Variants in PIEZO2 observed in about 807,000 individuals in gnomAD.
The protein encoded by PIEZO2 is piezo type mechanosensitive ion channel component 2, also known as piezo-type mechanosensitive ion channel component 2.
In PIEZO2, 172 loss-of-function variants were observed where a neutral mutation model predicts 337.3. That is an observed-to-expected ratio of 0.51 (90% CI 0.45 to 0.58). The LOEUF is 0.58. Among genes scored for constraint, PIEZO2 ranks in the 20% least tolerant of loss-of-function variants. The pLI is 0.00. For synonymous variants in PIEZO2, 1,251 were observed against 1,228.5 expected (o/e 1.02, Z -0.38); for missense variants, 3,028 against 3,391.3 (o/e 0.89, Z 2.66).
At chr18:11,039,460 G>C (rs953125924) in intron 2 of PIEZO2, among the ~76,000 whole-genome samples, 1 of 152,058 alleles carries the variant, frequency 6.6e-6, no homozygotes, top group Non-Finnish European at 1.5e-5. Flanking sequence ...TCCATTTTCT[G>C]GTTTTACGTC....
In PIEZO2 at chr18:11,069,383, G is replaced by T. The variant is rs1435087999; in HGVS notation, c.65-3161C>A. Among the ~76,000 whole-genome samples, 1 of 152,152 alleles carries T rather than the reference G, an allele frequency of 6.6e-6. No homozygotes were observed. The highest frequency in any genetic ancestry group is 1.5e-5 in the Non-Finnish European group (1 of 68,020). ...GCAAGAATGGTTCAACATACCTATA[G>T]CTGTCAATGTGATACACCACATTAA... On this transcript the variant is annotated intron_variant, in intron 1 of 55. Coordinates refer to ENST00000674853, the MANE Select transcript of PIEZO2 (RefSeq NM_001378183.1). This position sits in a 1 kb window ranked among gnomAD's most constrained non-coding sequence, Gnocchi z 4.9.
intron 36 of PIEZO2, among the ~76,000 whole-genome samples, chr18:10,719,167 G>C (rs73385119): frequency 0.045 from 6,877 of 152,038 alleles, 514 homozygotes; most frequent in African/African-American, 0.16. Flanking sequence ...AGTTAAATTT[G>C]AATGTAAGAT....
At chr18:10,867,349 C>T (rs1369288631) in intron 5 of PIEZO2, among the ~76,000 whole-genome samples, 1 of 152,182 alleles carries the variant, frequency 6.6e-6, no homozygotes, top group Non-Finnish European at 1.5e-5. Context: ...ACTTGAAGCA[C>T]AGCCCATTTG....
In PIEZO2 at chr18:10,767,909, C is replaced by T. The variant is rs72976273; in HGVS notation, c.2946+2239G>A. 2.4e-4 allele frequency among the ~76,000 whole-genome samples: 36 copies of T among 152,324 alleles called. No individual in the cohort carries two copies. Among genetic ancestry groups the T allele is most frequent in the East Asian group, 1.5e-3 (8 of 5,166 alleles). ...CCAGGAGGGCAAGGGCAGGTTTACC[C>T]GCCAGTTGCCAGCCCAGAGCGTGAG... On this transcript the variant is annotated intron_variant, in intron 21 of 55. Coordinates refer to ENST00000674853, the MANE Select transcript of PIEZO2 (RefSeq NM_001378183.1). The surrounding 1 kb of genome is among the most constrained non-coding windows in gnomAD (Gnocchi z 4.2).
chr18:11,133,778 TAATAA>T (rs1568403134), intron 1 of PIEZO2, among the ~76,000 whole-genome samples: 1 of 148,214 alleles, frequency 6.7e-6, no homozygotes, highest in Non-Finnish European at 1.5e-5. Flanking sequence ...AGTTAATACT[TAATAA>T]ACTCCTCTCT....
At position 10,682,011 on chromosome 18, in the gene PIEZO2, G is replaced by A. The variant is rs1024928529; in HGVS notation, c.7686+93C>T. The A allele has an allele frequency of 3.5e-5, 44 of 1,263,698 alleles. No homozygotes were observed. The highest frequency in any genetic ancestry group is 2.4e-4 in the Middle Eastern group (1 of 4,144). The allele number at this position is 1,263,698 out of a possible 1,614,324, so 78.3% of individuals were successfully genotyped here. ...GCAGTCAAATGCCGACAGCAGGGTC[G>A]GCAGCCCATGACTAAACACCCTACA... On this transcript the variant is annotated intron_variant, in intron 50 of 55. Coordinates refer to ENST00000674853, the MANE Select transcript of PIEZO2 (RefSeq NM_001378183.1). This position sits in a 1 kb window ranked among gnomAD's most constrained non-coding sequence, Gnocchi z 5.6.
intron 1 of PIEZO2, among the ~76,000 whole-genome samples, chr18:11,123,705 G>A (rs1250297413): frequency 6.6e-6 from 1 of 152,076 alleles, no homozygotes; most frequent in Non-Finnish European, 1.5e-5. Flanking sequence ...AGCTACTTGG[G>A]AGGCTGAGGC....
chr18:10,865,311 C>T (rs1255114396), intron 5 of PIEZO2, among the ~76,000 whole-genome samples: 1 of 152,170 alleles, frequency 6.6e-6, no homozygotes, highest in Non-Finnish European at 1.5e-5. Context: ...CAAGAATAAT[C>T]CAGATGCTGT....
chr18:10,798,126 G>C (rs556019851), intron 11 of PIEZO2, among the ~76,000 whole-genome samples: 1 of 152,182 alleles, frequency 6.6e-6, no homozygotes, highest in Non-Finnish European at 1.5e-5. Context: ...CCCCCTCTCC[G>C]ACAAGCCTTC....
rs2043010701 is a variant in PIEZO2 at position 10,900,208 on chromosome 18, CACAA to C, written c.329+10974_329+10977del. Among the ~76,000 whole-genome samples the C allele has an allele frequency of 2.7e-5, 4 of 147,970 alleles. No homozygotes were observed. The South Asian group carries it at 6.4e-4, about 24-fold the overall frequency. The stretch of plus-strand genomic sequence containing the variant: ...ACACACACACACACACACACACACA[CACAA>C]ACACCTAAATCCACACATACACATG... On this transcript the variant is annotated intron_variant, in intron 4 of 55. Coordinates refer to ENST00000674853, the MANE Select transcript of PIEZO2 (RefSeq NM_001378183.1).
In PIEZO2 at chr18:11,132,321, G is replaced by C. The variant is rs998282684; in HGVS notation, c.64+16204C>G. On this transcript the variant is annotated intron_variant, in intron 1 of 55. Coordinates refer to ENST00000674853, the MANE Select transcript of PIEZO2 (RefSeq NM_001378183.1). This position sits in a 1 kb window ranked among gnomAD's most constrained non-coding sequence, Gnocchi z 4.7. Reference sequence around the variant, plus strand: ...GAAAGAAGTGTGGCAGCAGGCTCATGCTCATGGAATCCAATGTGCTCTTAC... The same window carrying C: ...GAAAGAAGTGTGGCAGCAGGCTCATCCTCATGGAATCCAATGTGCTCTTAC... Among the ~76,000 whole-genome samples, 1 of 152,182 alleles carries C rather than the reference G, an allele frequency of 6.6e-6. No homozygotes were observed.
chr18:10,935,030 G>A (rs1361940846), intron 3 of PIEZO2, among the ~76,000 whole-genome samples: 1 of 152,164 alleles, frequency 6.6e-6, no homozygotes, highest in Non-Finnish European at 1.5e-5. Context: ...TGGCTGTGAT[G>A]TCTGTGCTCT....
rs1598599577 is a variant in PIEZO2, at chr18:10,862,933, C to G, written c.493-5722G>C. ...GATTGAAATAAATTATCTCTGGAAC[C>G]TCCTTTAGGTTTCAGTCGAGCTTTG... On this transcript the variant is annotated intron_variant, in intron 5 of 55. Coordinates refer to ENST00000674853, the MANE Select transcript of PIEZO2 (RefSeq NM_001378183.1). This position sits in a 1 kb window ranked among gnomAD's most constrained non-coding sequence, Gnocchi z 4.4. Among the ~76,000 whole-genome samples the G allele has an allele frequency of 6.6e-6, 1 of 152,198 alleles. No homozygotes were observed. Among genetic ancestry groups the G allele is most frequent in the South Asian group, 2.1e-4 (1 of 4,828 alleles).
At chr18:11,008,048 A>G (rs2035781586) in intron 2 of PIEZO2, among the ~76,000 whole-genome samples, 2 of 152,170 alleles carry the variant, frequency 1.3e-5, no homozygotes, top group South Asian at 4.1e-4. Context: ...CTTGACAAGC[A>G]CTTCTGTATT....
intron 2 of PIEZO2, among the ~76,000 whole-genome samples, chr18:11,018,473 CAT>C (rs2036201534): frequency 6.9e-6 from 1 of 145,474 alleles, no homozygotes; most frequent in South Asian, 2.3e-4. Flanking sequence ...TCAGACTTAA[CAT>C]ATGATTCCTG....
rs867595823 is a variant in PIEZO2, at chr18:10,815,320, A to G, written c.918-8046T>C. On this transcript the variant is annotated intron_variant, in intron 7 of 55. Coordinates refer to ENST00000674853, the MANE Select transcript of PIEZO2 (RefSeq NM_001378183.1). This position sits in a 1 kb window ranked among gnomAD's most constrained non-coding sequence, Gnocchi z 4.1. ...AAAAGAAAAGAATGGTGATCCAGAC[A>G]TGGATTCGAGCCCTGCCTGAATGAT... 2.3e-4 allele frequency among the ~76,000 whole-genome samples: 35 copies of G among 152,316 alleles called. No homozygotes were observed. The highest frequency in any genetic ancestry group is 8.2e-4 in the African/African-American group (34 of 41,584).
At chr18:10,793,501 A>G (rs1364863339) in intron 13 of PIEZO2, among the ~76,000 whole-genome samples, 6 of 152,192 alleles carry the variant, frequency 3.9e-5, no homozygotes, top group African/African-American at 1.4e-4. Context: ...AGACAATTCA[A>G]CTAGTGACTT....
In PIEZO2 at chr18:11,148,515, C is replaced by T; in HGVS notation, c.64+10G>A. On this transcript the variant is annotated intron_variant, in intron 1 of 55. Transcript: ENST00000674853. This position sits in a 1 kb window ranked among gnomAD's most constrained non-coding sequence, Gnocchi z 5.2. Reference sequence around the variant, plus strand: ...TCCTCAAGTGCCCTCGGAAAGCGGACCAGACTCACCTACTGCCAGGCAGAT... The same window carrying T: ...TCCTCAAGTGCCCTCGGAAAGCGGATCAGACTCACCTACTGCCAGGCAGAT... 4.6e-6 allele frequency: 7 copies of T among 1,537,184 alleles called. No individual in the cohort carries two copies. Among genetic ancestry groups the T allele is most frequent in the Non-Finnish European group, 6.1e-6 (7 of 1,146,876 alleles).
Position 10,833,374 on chromosome 18 carries a change from C to G in PIEZO2, c.917+21979G>C, listed in dbSNP as rs917396944. Among the ~76,000 whole-genome samples the G allele has an allele frequency of 1.1e-4, 17 of 152,150 alleles. No homozygotes were observed. The highest frequency in any genetic ancestry group is 4.1e-4 in the African/African-American group (17 of 41,420). ...CCACTGTGACACCTGCAGCCTCGCC[C>G]TCTCCTGTTGGAATCATGTGGGGAT... On this transcript the variant is annotated intron_variant, in intron 7 of 55. Transcript: ENST00000674853. This position sits in a 1 kb window ranked among gnomAD's most constrained non-coding sequence, Gnocchi z 4.7.
Sources: allele counts gnomAD v4.1 joint callset (sites outside exome capture counted in the v4.1 genomes callset), GRCh38; gene constraint gnomAD v4.1.1; non-coding constraint Gnocchi (gnomAD v3.1); transcripts MANE v1.5; gene names NCBI Gene and HGNC (gene_info 2026-07-23, HGNC 2026-07-21).